MED1: variants seen among roughly 807,000 people sequenced by gnomAD.
The protein encoded by MED1 is mediator of RNA polymerase II transcription subunit 1.
Under a neutral mutation model 121.3 loss-of-function variants are expected in MED1, and 17 were observed. That is an observed-to-expected ratio of 0.14 (90% CI 0.10 to 0.21). The LOEUF (loss-of-function observed/expected upper bound fraction) is 0.21, where lower values mean the gene tolerates loss of function less well. MED1 is among the 10% of genes least tolerant of loss of function. The pLI, the probability that MED1 is intolerant of heterozygous loss-of-function variation, is 1.00. For synonymous variants in MED1, 661 were observed against 694.4 expected, an observed-to-expected ratio of 0.95 and a Z score of 0.76; for missense variants, 1,558 against 1,919.4, an observed-to-expected ratio of 0.81 and a Z score of 3.52.
chr17:39,413,049 G>C (rs1007444930), intron 16 of MED1, among the ~76,000 whole-genome samples: 1 of 152,020 alleles, frequency 6.6e-6, no homozygotes, highest in Non-Finnish European at 1.5e-5. Context: ...ATGCATACTG[G>C]CTTAACTATC....
rs1198176053 is a variant in MED1 at position 39,405,516 on chromosome 17, C to T, written c.*1959G>A. On this transcript the variant is annotated 3_prime_UTR_variant, in exon 17 of 17. Transcript: ENST00000300651. ...ATAGGATTCAAAACTAGGTGACAAACTCATGAGAAATCCAACCTGGCTGAA... is the reference window on the plus strand; with the variant it reads ...ATAGGATTCAAAACTAGGTGACAAATTCATGAGAAATCCAACCTGGCTGAA... 1 of 1,381,844 alleles carries T rather than the reference C, an allele frequency of 7.2e-7. No homozygotes were observed. Among genetic ancestry groups the T allele is most frequent in the East Asian group, 2.6e-5 (1 of 37,836 alleles). 85.6% of individuals were successfully genotyped at this position (1,381,844 alleles called of 1,614,324 possible). A position where few individuals can be genotyped will look rare whatever the true frequency, so the allele number is the denominator to read the frequency against.
chr17:39,432,780 A>C (rs2048578049), intron 7 of MED1, among the ~76,000 whole-genome samples: 1 of 151,624 alleles, frequency 6.6e-6, no homozygotes, highest in South Asian at 2.1e-4. Flanking sequence ...CAAAAAAAAA[A>C]CTGGCCAGGC....
In MED1 at chr17:39,419,850, T is replaced by C. The variant is rs779232739; in HGVS notation, c.1164A>G (p.Leu388=). The C allele has an allele frequency of 4.3e-6, 7 of 1,614,030 alleles. No homozygotes were observed. Among genetic ancestry groups the C allele is most frequent in the African/African-American group, 1.3e-5 (1 of 74,934 alleles). The change falls in exon 14 of 17, where the codon CTA becomes CTG. Residue 388 remains leucine, a synonymous_variant. Coordinates refer to ENST00000300651, the MANE Select transcript of MED1 (RefSeq NM_004774.4). The stretch of plus-strand genomic sequence containing the variant: ...TGATTTTGCTAACAAGGGTTCCCTG[T>C]AGACTTCGGCCATCTGGAAGAGGAG... The part of the protein sequence containing the change: ...KDAPLPDGRS[L]QGTLVSKITF...
intron 13 of MED1, among the ~76,000 whole-genome samples, chr17:39,421,924 C>T (rs569959357): frequency 6.6e-6 from 1 of 151,490 alleles, no homozygotes; most frequent in Non-Finnish European, 1.5e-5. Flanking sequence ...GTCAGGAGAT[C>T]GAGACCATCC....
chr17:39,432,342 CAA>C (rs36069735), intron 7 of MED1, among the ~76,000 whole-genome samples: 2 of 81,012 alleles, frequency 2.5e-5, no homozygotes, highest in East Asian at 3.5e-4. Flanking sequence ...GATTCCATCT[CAA>C]AAAAAAAAAA....
At position 39,405,558 on chromosome 17, in the gene MED1, A is replaced by G. The variant is rs1279580986; in HGVS notation, c.*1917T>C. 10 of 1,335,896 alleles carry G rather than the reference A, an allele frequency of 7.5e-6. No homozygotes were observed. Among genetic ancestry groups the G allele is most frequent in the Non-Finnish European group, 8.6e-6 (9 of 1,041,976 alleles). The allele number at this position is 1,335,896 out of a possible 1,614,324, so 82.8% of individuals were successfully genotyped here. On this transcript the variant is annotated 3_prime_UTR_variant, in exon 17 of 17. Coordinates refer to ENST00000300651, the MANE Select transcript of MED1 (RefSeq NM_004774.4). ...CTGGCTGAATGTCTGAGAGGCTGCT[A>G]CTGTATCAACATCACAAGATAAAGC...
At chr17:39,422,460 C>G (rs1286430388) in intron 13 of MED1, among the ~76,000 whole-genome samples, 1 of 149,196 alleles carries the variant, frequency 6.7e-6, no homozygotes, top group Non-Finnish European at 1.5e-5. Flanking sequence ...AAACACCACG[C>G]CCAGCCTCGT....
At chr17:39,416,423 CCAT>C (rs779448058) in intron 14 of MED1, among the ~76,000 whole-genome samples, 51 of 152,134 alleles carry the variant, frequency 3.4e-4, no homozygotes, top group Non-Finnish European at 4.9e-4. Context: ...ATATATCTAG[CCAT>C]CATCATATGT....
At position 39,419,612 on chromosome 17, in the gene MED1, A is replaced by C. The variant is rs1442686212; in HGVS notation, c.1297+105T>G. ...TTATGCCAAATATGAAAAAAAAAAA[A>C]CTTTTTTTAAGTTCTACAGGTGATT... is the stretch of plus-strand genomic sequence containing the variant. On this transcript the variant is annotated intron_variant, in intron 14 of 16. Transcript: ENST00000300651. 29 of 1,167,208 alleles carry C rather than the reference A, an allele frequency of 2.5e-5. No homozygotes were observed. The South Asian group carries it at 3.7e-4, about 15-fold the overall frequency. The allele number at this position is 1,167,208 out of a possible 1,614,324, so 72.3% of individuals were successfully genotyped here. A position where few individuals can be genotyped will look rare whatever the true frequency, so the allele number is the denominator to read the frequency against.
chr17:39,413,932 A>C (rs902258757), intron 16 of MED1, among the ~76,000 whole-genome samples: 5 of 150,040 alleles, frequency 3.3e-5, no homozygotes, highest in African/African-American at 7.3e-5. Flanking sequence ...AAAAAAAAAA[A>C]AAAAACAAAG....
chr17:39,408,034 T>C lies in MED1; in HGVS notation c.4187A>G (p.Lys1396Arg), dbSNP rs2048319525. ...STGVAKIIISKHDGGSPSIKA... is the reference protein window; with the variant it reads ...STGVAKIIISRHDGGSPSIKA... ...AATGCTAGGGGAGCCTCCATCATGC[T>C]TACTGATGATAATTTTTGCCACACC... Residue 1396 changes from lysine (K) to arginine (R), a missense_variant, in exon 17 of 17, where the codon AAG (lysine) becomes AGG (arginine). By Grantham distance (26) the Lys-to-Arg change is conservative. This residue lies in a region of MED1 where 264 missense variants were observed against 326.1 expected (regional missense o/e 0.81). Coordinates refer to ENST00000300651, the MANE Select transcript of MED1 (RefSeq NM_004774.4). This position sits in a 1 kb window ranked among gnomAD's most constrained non-coding sequence, Gnocchi z 4.7. The C allele has an allele frequency of 1.9e-6, 3 of 1,614,234 alleles. No homozygotes were observed. The highest frequency in any genetic ancestry group is 2.5e-6 in the Non-Finnish European group (3 of 1,180,044).
intron 14 of MED1, 40 bp downstream of exon 14, chr17:39,419,677 T>C: frequency 6.4e-7 from 1 of 1,554,914 alleles, no homozygotes; most frequent in South Asian, 1.1e-5. Flanking sequence ...GAGAAGTAAG[T>C]TTCCATCTTC....
chr17:39,432,069 C>T lies in MED1; in HGVS notation c.501-53G>A, dbSNP rs115161617. 2.1e-3 allele frequency: 2,925 copies of T among 1,363,678 alleles called. 44 individuals are homozygous for T. The African/African-American group carries it at 0.037, about 17-fold the overall frequency. The allele number at this position is 1,363,678 out of a possible 1,614,324, so 84.5% of individuals were successfully genotyped here. ...TTAATAGTTGAAAAATATGACCAAG[C>T]GGGGTGGCTCAGCCTGTAATCCCAG... On this transcript the variant is annotated intron_variant, in intron 7 of 16. Transcript: ENST00000300651.
At chr17:39,449,943 TAGCTGGGATTAC>T (rs6146051) in intron 1 of MED1, among the ~76,000 whole-genome samples, 94,708 of 150,514 alleles carry the variant, frequency 0.63, 32,463 homozygotes, top group South Asian at 0.89. Flanking sequence ...GCCTCCCAGG[TAGCTGGGATTAC>T]AGGCATTCAC....
At chr17:39,421,894 C>T (rs953527311) in intron 13 of MED1, among the ~76,000 whole-genome samples, 2 of 151,652 alleles carry the variant, frequency 1.3e-5, no homozygotes, top group South Asian at 2.1e-4. Flanking sequence ...TTTGGGAGGC[C>T]GAGGCGGGCG....
chr17:39,444,134 G>A (rs957868983), intron 2 of MED1, among the ~76,000 whole-genome samples: 9 of 152,186 alleles, frequency 5.9e-5, no homozygotes, highest in Admixed American at 4.6e-4. Flanking sequence ...AGATTTGGTA[G>A]TGTACAAATT....
At chr17:39,429,702 TAA>T (rs757034804) in intron 9 of MED1, among the ~76,000 whole-genome samples, 4 of 48,964 alleles carry the variant, frequency 8.2e-5, no homozygotes, top group African/African-American at 4.0e-4. Flanking sequence ...CCTAAATGCC[TAA>T]AAAAAAAAAA....
At chr17:39,427,566 T>C in intron 10 of MED1, 135 bp downstream of exon 10, 2 of 612,990 alleles carry the variant, frequency 3.3e-6, no homozygotes, top group Non-Finnish European at 5.9e-6. Context: ...AACACACATA[T>C]ACGTGTGTGA....
At chr17:39,424,811 G>A in intron 10 of MED1, 73 bp from the exon 11 acceptor site, 2 of 870,146 alleles carry the variant, frequency 2.3e-6, no homozygotes, top group East Asian at 2.6e-5. Context: ...GTTTTAAGAG[G>A]TTAATTTTTG....
Sources: allele counts gnomAD v4.1 joint callset (sites outside exome capture counted in the v4.1 genomes callset), GRCh38; gene constraint gnomAD v4.1.1; regional missense constraint gnomAD v4.1.1; non-coding constraint Gnocchi (gnomAD v3.1); transcripts MANE v1.5; gene names NCBI Gene and HGNC (gene_info 2026-07-23, HGNC 2026-07-21).